Variants in VIRMA observed in about 807,000 individuals in gnomAD.
The protein encoded by VIRMA is vir like m6A methyltransferase associated, also known as protein virilizer homolog.
A neutral mutation model predicts 182.4 loss-of-function variants in VIRMA; 65 were observed. That is an observed-to-expected ratio of 0.36 (90% confidence interval 0.29 to 0.44). The LOEUF is 0.44. VIRMA is among the 20% of genes least tolerant of loss of function. VIRMA has a pLI of 1.00. For synonymous variants in VIRMA, 709 were observed against 743.1 expected, an observed-to-expected ratio of 0.95 and a Z score of 0.75; for missense variants, 1,752 against 2,158.1, an observed-to-expected ratio of 0.81 and a Z score of 3.73.
intron 21 of VIRMA, 88 bp downstream of exon 21, chr8:94,492,564 G>C: frequency 8.5e-7 from 1 of 1,175,740 alleles, no homozygotes; most frequent in East Asian, 2.4e-5. Context: ...GAGCCACCGC[G>C]CTCGGCCGCA....
chr8:94,553,467 CAGGGGG>C, exon 1 of VIRMA: 1 of 1,613,380 alleles, frequency 6.2e-7, no homozygotes, highest in Non-Finnish European at 8.5e-7. Context: ...GGGCGGGGAA[CAGGGGG>C]GAGGACTTCC....
At chr8:94,532,823 G>A (rs558582959) in intron 5 of VIRMA, among the ~76,000 whole-genome samples, 96 of 152,090 alleles carry the variant, frequency 6.3e-4, no homozygotes, top group Admixed American at 9.8e-4. Context: ...TTGGGGTGGA[G>A]GGTGGCACAC....
chr8:94,524,160 C>A (rs1274563017), intron 8 of VIRMA, among the ~76,000 whole-genome samples: 1 of 152,024 alleles, frequency 6.6e-6, no homozygotes. Flanking sequence ...CCACCATGCC[C>A]CACTAATTTT....
rs758322645 is a variant in VIRMA at position 94,526,353 on chromosome 8, G to A, written c.1891C>T (p.Leu631=). The change falls in exon 8 of 24, where the codon CTA becomes TTA. Residue 631 remains leucine (L), a synonymous_variant. Transcript: ENST00000297591. ...EGEIERLINL[L]EEVFHLMETA... ...TCCATTAAATGAAAAACTTCTTCTA[G>A]GAGGTTAATAAGCCTTTCTATTTCC... The A allele has an allele frequency of 1.2e-5, 19 of 1,613,906 alleles. No homozygotes were observed. In the South Asian group the frequency reaches 2.1e-4, roughly 18 times the overall value.
rs1160989282 is a variant in VIRMA, at chr8:94,538,361, A to C, written c.180-15T>G. The C allele has an allele frequency of 6.7e-7, 1 of 1,494,512 alleles. No individual in the cohort carries two copies. The highest frequency in any genetic ancestry group is 1.1e-5 in the South Asian group (1 of 88,248). 92.6% of individuals were successfully genotyped at this position (1,494,512 alleles called of 1,614,324 possible). Reference sequence around the variant, plus strand: ...GAGATGTCTCTCTGTAAATGAAACAAAGTTGAAACATCAGCCTTTGTAACA... The same window carrying C: ...GAGATGTCTCTCTGTAAATGAAACACAGTTGAAACATCAGCCTTTGTAACA... On this transcript the variant is annotated splice_polypyrimidine_tract_variant and intron_variant, in intron 2 of 23. Transcript: ENST00000297591.
chr8:94,507,882 CAT>C (rs1563461412), intron 15 of VIRMA, among the ~76,000 whole-genome samples: 3 of 112,424 alleles, frequency 2.7e-5, no homozygotes, highest in South Asian at 6.8e-4. Flanking sequence ...TATATATATA[CAT>C]GTATATATGT....
chr8:94,522,007 G>A (rs1053130076), intron 8 of VIRMA, among the ~76,000 whole-genome samples: 13 of 152,116 alleles, frequency 8.5e-5, no homozygotes, highest in Middle Eastern at 3.2e-3. Context: ...TGATAAGAAT[G>A]GTTCCTTGTG....
At chr8:94,496,258 C>T (rs767116201) in intron 18 of VIRMA, 70 bp downstream of exon 18, 134 of 1,326,680 alleles carry the variant, frequency 1.0e-4, no homozygotes, top group Non-Finnish European at 1.3e-4. Flanking sequence ...AAGGTCACTA[C>T]GAAATACTTG....
Position 94,491,892 on chromosome 8 carries a change from A to G in VIRMA, c.4826T>C (p.Ile1609Thr). 6.4e-7 allele frequency: 1 copy of G among 1,565,458 alleles called. No homozygotes were observed. Among genetic ancestry groups the G allele is most frequent in the Non-Finnish European group, 8.7e-7 (1 of 1,154,390 alleles). The part of the protein sequence containing the change: ...FITSSGKSEY[I>T]EPAKRAHVVP... ...AACATGAGCTCTTTTGGCAGGTTCAATGTATTCAGATTTTCCACTATTAAA... is the reference window on the plus strand; with the variant it reads ...AACATGAGCTCTTTTGGCAGGTTCAGTGTATTCAGATTTTCCACTATTAAA... Residue 1609 changes from isoleucine (I) to threonine (T), a missense_variant, in exon 22 of 24, where the codon ATT becomes ACT. By Grantham distance (89) the Ile-to-Thr change is moderately conservative (BLOSUM62 -1). Around this residue, in one of 11 missense-constraint regions of VIRMA, gnomAD observed 27 missense variants for 60.8 expected, o/e 0.44. Coordinates refer to ENST00000297591, the MANE Select transcript of VIRMA (RefSeq NM_015496.5).
chr8:94,548,342 A>T (rs2130399513), intron 1 of VIRMA, among the ~76,000 whole-genome samples: 1 of 151,398 alleles, frequency 6.6e-6, no homozygotes, highest in Non-Finnish European at 1.5e-5. Flanking sequence ...GTATTACAGT[A>T]TTGTAATATT....
At chr8:94,496,264 A>T in intron 18 of VIRMA, 64 bp downstream of exon 18, 1 of 1,389,276 alleles carries the variant, frequency 7.2e-7, no homozygotes, top group East Asian at 2.3e-5. Context: ...ACTACGAAAT[A>T]CTTGTACTAG....
Position 94,506,722 on chromosome 8 carries a change from G to A in VIRMA, c.3880-5C>T, listed in dbSNP as rs764158035. ...TGGTAAGATAAGTGCAATGTCCTGT[G>A]GGGAGCAGGGAAAAAAAAATCGATT... On this transcript the variant is annotated splice_region_variant and splice_polypyrimidine_tract_variant and intron_variant, in intron 15 of 23. Transcript: ENST00000297591. The A allele has an allele frequency of 2.3e-5, 36 of 1,590,710 alleles. No individual in the cohort carries two copies. Among genetic ancestry groups the A allele is most frequent in the Middle Eastern group, 1.7e-4 (1 of 5,958 alleles).
intron 21 of VIRMA, 147 bp from the exon 22 acceptor site, chr8:94,492,056 T>C: frequency 1.7e-6 from 1 of 581,608 alleles, no homozygotes. Context: ...TGGGATAATA[T>C]AACAAACTAG....
chr8:94,545,696 C>T (rs1270510565), intron 1 of VIRMA, among the ~76,000 whole-genome samples: 1 of 152,084 alleles, frequency 6.6e-6, no homozygotes, highest in Non-Finnish European at 1.5e-5. Flanking sequence ...GTCCCCAGCC[C>T]AGGTTGTAGG....
intron 1 of VIRMA, 47 bp from the exon 2 acceptor site, chr8:94,543,989 T>A: frequency 1.1e-6 from 1 of 913,086 alleles, no homozygotes; most frequent in Non-Finnish European, 1.8e-6. Context: ...GAACATTATG[T>A]AAAACAGTTT....
chr8:94,530,929 G>A, intron 6 of VIRMA, 34 bp downstream of exon 6: 1 of 1,586,580 alleles, frequency 6.3e-7, no homozygotes, highest in Non-Finnish European at 8.6e-7. Flanking sequence ...CTATTAACTA[G>A]GGGGGAAAAC....
intron 11 of VIRMA, 53 bp from the exon 12 acceptor site, chr8:94,512,142 A>C: frequency 4.8e-6 from 4 of 834,304 alleles, no homozygotes; most frequent in Non-Finnish European, 6.9e-6. Context: ...CCATGAGATC[A>C]ACAGAAAATT....
intron 10 of VIRMA, among the ~76,000 whole-genome samples, chr8:94,516,066 C>T (rs1030628362): frequency 1.4e-4 from 21 of 152,124 alleles, no homozygotes; most frequent in Non-Finnish European, 1.3e-4. Flanking sequence ...CGAGATCACA[C>T]CACTACACTC....
At position 94,491,750 on chromosome 8, in the gene VIRMA, G is replaced by A. The variant is rs759813402; in HGVS notation, c.4968C>T (p.Asp1656=). The stretch of plus-strand genomic sequence containing the variant: ...CTTCTTTACTTTCAGCAGCAACAAA[G>A]TCATCCACATGCATAGATGGTGGTC... ...TSRPPSMHVD[D]FVAAESKEVV... The change falls in exon 22 of 24, where the codon GAC becomes GAT. Residue 1656 remains aspartate, a synonymous_variant. Transcript: ENST00000297591. 4 of 1,613,942 alleles carry A rather than the reference G, an allele frequency of 2.5e-6. No individual in the cohort carries two copies. The highest frequency in any genetic ancestry group is 3.3e-5 in the Admixed American group (2 of 59,984).
Sources: gnomAD v4.1 joint callset for allele counts (sites outside exome capture counted in the v4.1 genomes callset) on GRCh38, gnomAD v4.1.1 for gene constraint, gnomAD v4.1.1 regional missense constraint, MANE v1.5 for transcripts, NCBI Gene and HGNC (gene_info 2026-07-23, HGNC 2026-07-21) for gene names.